RNFT1: variants seen among roughly 807,000 people sequenced by gnomAD.
RNFT1 encodes the protein E3 ubiquitin-protein ligase RNFT1.
RNFT1 carries 35 observed loss-of-function variants against 53.2 expected under a neutral mutation model. The observed-to-expected ratio is 0.66, with a 90% CI of 0.50 to 0.87. The LOEUF is 0.87. Ranked by LOEUF, RNFT1 falls within the 40% of genes least tolerant of loss-of-function variation. The pLI, the probability that RNFT1 is intolerant of heterozygous loss-of-function variation, is 0.00. For synonymous variants in RNFT1, 141 were observed against 172.8 expected, an observed-to-expected ratio of 0.82 and a Z score of 1.44; for missense variants, 421 against 515.0, an observed-to-expected ratio of 0.82 and a Z score of 1.77.
chr17:59,953,614 C>G (rs2045235620), intron 8 of RNFT1, among the ~76,000 whole-genome samples: 2 of 152,202 alleles, frequency 1.3e-5, no homozygotes, highest in Non-Finnish European at 2.9e-5. Context: ...CACTAGTGTT[C>G]TGGCTGTACC....
At chr17:59,958,603 G>T in intron 4 of RNFT1, 159 bp from the exon 5 acceptor site, 1 of 712,520 alleles carries the variant, frequency 1.4e-6, no homozygotes, top group Non-Finnish European at 2.5e-6. Flanking sequence ...GGATCATTTT[G>T]CTTAAAGAGA....
Position 59,958,312 on chromosome 17 carries a change from G to C in RNFT1, c.825C>G (p.Phe275Leu). The C allele has an allele frequency of 6.3e-7, 1 of 1,594,030 alleles. No homozygotes were observed. The highest frequency in any genetic ancestry group is 8.5e-7 in the Non-Finnish European group (1 of 1,175,656). The change falls in exon 5 of 9, where the codon TTC becomes TTG. Residue 275 changes from phenylalanine (F) to leucine (L), a missense_variant. By Grantham distance (22) the Phe-to-Leu change is conservative (BLOSUM62 0). Coordinates refer to ENST00000305783, the MANE Select transcript of RNFT1 (RefSeq NM_016125.4). ...TTACCTTAGATTTAAAAGGCATGATGAAAGAAGGCACCAATAAAATAAGGC... is the reference window on the plus strand; with the variant it reads ...TTACCTTAGATTTAAAAGGCATGATCAAAGAAGGCACCAATAAAATAAGGC... ...LKCLILLVPS[F>L]IMPFKSKGYW...
chr17:59,957,832 G>C (rs537220038), intron 5 of RNFT1, among the ~76,000 whole-genome samples: 1 of 152,148 alleles, frequency 6.6e-6, no homozygotes, highest in Admixed American at 6.5e-5. Flanking sequence ...GCAACAGAGC[G>C]AGAGACAATC....
At chr17:59,959,703 C>G (rs567410171) in intron 4 of RNFT1, 1 of 154,576 alleles carries the variant, frequency 6.5e-6, no homozygotes, top group South Asian at 2.0e-4. Flanking sequence ...AGGCAGATCA[C>G]GAGGTCAGGA....
chr17:59,956,437 T>G, intron 7 of RNFT1, 51 bp downstream of exon 7: 1 of 1,273,960 alleles, frequency 7.8e-7, no homozygotes, highest in East Asian at 2.3e-5. Flanking sequence ...AAAAAATTTT[T>G]GCAGTGAAGA....
chr17:59,962,564 G>A lies in RNFT1; in HGVS notation c.567C>T (p.Ser189=), dbSNP rs142631280. 203 of 1,605,870 alleles carry A rather than the reference G, an allele frequency of 1.3e-4. No homozygotes were observed. Among genetic ancestry groups the A allele is most frequent in the Middle Eastern group, 6.2e-4 (3 of 4,838 alleles). The part of the protein sequence containing the change: ...LLTTFMYANK[S]IVNQVFLRER... ...CTCTTAGAAAAACCTGATTTACAAT[G>A]CTTTTGTTTGCATACATAAAAGTTG... The change falls in exon 3 of 9, where the codon AGC becomes AGT. Residue 189 remains serine (S), a synonymous_variant. Coordinates refer to ENST00000305783, the MANE Select transcript of RNFT1 (RefSeq NM_016125.4).
intron 8 of RNFT1, 132 bp downstream of exon 8, chr17:59,953,913 A>G (rs1305259688): frequency 2.4e-5 from 14 of 587,408 alleles, no homozygotes; most frequent in East Asian, 1.5e-4. Context: ...ATCCACTAGT[A>G]TGTACCCTGA....
chr17:59,959,980 A>G (rs774034121), intron 4 of RNFT1, 88 bp downstream of exon 4: 20 of 1,341,018 alleles, frequency 1.5e-5, no homozygotes, highest in Non-Finnish European at 1.9e-5. Flanking sequence ...AACTGAATAC[A>G]ATAAGTACTA....
Position 59,962,969 on chromosome 17 carries a change from C to T in RNFT1, c.372G>A (p.Arg124=). The change falls in exon 2 of 9, where the codon AGG becomes AGA. Residue 124 remains arginine, a synonymous_variant. Coordinates refer to ENST00000305783, the MANE Select transcript of RNFT1 (RefSeq NM_016125.4). ...ATTCTGCGGCAGTATCATCAGTCAG[C>T]CTTGCTTCACTGTGGGAGTGACCCC... ...RLRGHSHSEA[R]LTDDTAAESG... is the part of the protein sequence containing the mutation. The T allele has an allele frequency of 6.2e-7, 1 of 1,614,258 alleles. No individual in the cohort carries two copies. The highest frequency in any genetic ancestry group is 1.1e-5 in the South Asian group (1 of 91,084).
chr17:59,957,530 A>C, intron 5 of RNFT1, 148 bp from the exon 6 acceptor site: 1 of 609,360 alleles, frequency 1.6e-6, no homozygotes, highest in South Asian at 3.2e-5. Context: ...CTGAACCTCA[A>C]GCTGGTTCTC....
chr17:59,964,716 C>A lies in RNFT1; in HGVS notation c.-53G>T, dbSNP rs921313478. The A allele has an allele frequency of 5.2e-6, 8 of 1,534,746 alleles. No individual in the cohort carries two copies. The highest frequency in any genetic ancestry group is 7.0e-6 in the Non-Finnish European group (8 of 1,137,832). ...CCATCAACCGCAAACCCCGCAAGCT[C>A]TTCTCTCAGCCCGGCGGCAACGGCG... On this transcript the variant is annotated 5_prime_UTR_variant, in exon 1 of 9. Transcript: ENST00000305783.
chr17:59,962,443 ATTTC>A, intron 3 of RNFT1, 93 bp downstream of exon 3: 1 of 804,142 alleles, frequency 1.2e-6, no homozygotes, highest in Non-Finnish European at 2.0e-6. Context: ...ATTACTTCCT[ATTTC>A]TTTCAAGTTA....
chr17:59,961,252 C>T (rs924804976), intron 3 of RNFT1, among the ~76,000 whole-genome samples: 26 of 151,526 alleles, frequency 1.7e-4, no homozygotes, highest in African/African-American at 5.1e-4. Context: ...TGCCCAGGCT[C>T]GTCTTCAATT....
chr17:59,953,048 T>A lies in RNFT1; in HGVS notation c.1237A>T (p.Arg413Ter). ...FNREKTCPLC[R>*]TVISDHINKW... ...TTTATATGGTCTGAAATCACAGTTC[T>A]GCAGAGTGGACATGTTTTCTCTCTG... The change falls in exon 9 of 9, where the codon AGA (arginine) becomes TGA (stop). Residue 413 changes from arginine to a stop codon, truncating the protein, a stop_gained. Transcript: ENST00000305783. LOFTEE classifies it high-confidence loss of function. 1 of 1,612,994 alleles carries A rather than the reference T, an allele frequency of 6.2e-7. No homozygotes were observed. Among genetic ancestry groups the A allele is most frequent in the African/African-American group, 1.3e-5 (1 of 75,038 alleles).
Position 59,963,260 on chromosome 17 carries a change from T to C in RNFT1, c.81A>G (p.Thr27=). 4 of 1,609,488 alleles carry C rather than the reference T, an allele frequency of 2.5e-6. No homozygotes were observed. Among genetic ancestry groups the C allele is most frequent in the Non-Finnish European group, 3.4e-6 (4 of 1,177,482 alleles). The change falls in exon 2 of 9, where the codon ACA becomes ACG. Residue 27 remains threonine (T), a synonymous_variant. Transcript: ENST00000305783. The part of the protein sequence containing the change: ...HERRQRPEAK[T]SGSEKKYLRA... ...TTAAATACTTTTTCTCTGACCCAGA[T>C]GTCTTTGCTTCAGGCCTCTGTCTCC...
chr17:59,962,655 A>G (rs550360590), intron 2 of RNFT1, 39 bp from the exon 3 acceptor site: 2 of 1,484,146 alleles, frequency 1.3e-6, no homozygotes, highest in South Asian at 2.4e-5. Flanking sequence ...AAAGAAAAAA[A>G]AATCAAAGAG....
chr17:59,956,622 C>T, intron 6 of RNFT1, 69 bp from the exon 7 acceptor site: 1 of 1,123,094 alleles, frequency 8.9e-7, no homozygotes, highest in Non-Finnish European at 1.3e-6. Context: ...AAAACCAAAG[C>T]TGAAATCCCA....
chr17:59,962,565 C>T lies in RNFT1; in HGVS notation c.566G>A (p.Ser189Asn), dbSNP rs755360113. Residue 189 changes from serine (S) to asparagine (N), a missense_variant, in exon 3 of 9, where the codon AGC becomes AAC. By Grantham distance (46) the Ser-to-Asn change is conservative. Coordinates refer to ENST00000305783, the MANE Select transcript of RNFT1 (RefSeq NM_016125.4). ...TCTTAGAAAAACCTGATTTACAATG[C>T]TTTTGTTTGCATACATAAAAGTTGT... is the stretch of plus-strand genomic sequence containing the variant. Reference protein sequence around the residue: ...LLTTFMYANKSIVNQVFLRER... With the variant: ...LLTTFMYANKNIVNQVFLRER... 1 of 1,605,964 alleles carries T rather than the reference C, an allele frequency of 6.2e-7. No homozygotes were observed. Among genetic ancestry groups the T allele is most frequent in the African/African-American group, 1.3e-5 (1 of 74,570 alleles).
intron 4 of RNFT1, chr17:59,959,432 G>A (rs1408422544): frequency 6.6e-6 from 1 of 151,992 alleles, no homozygotes; most frequent in Non-Finnish European, 1.5e-5. Flanking sequence ...CATTTGACAT[G>A]GAGACTTATC....
Sources: gnomAD v4.1 joint callset for allele counts (sites outside exome capture counted in the v4.1 genomes callset) on GRCh38, gnomAD v4.1.1 for gene constraint, MANE v1.5 for transcripts, NCBI Gene and HGNC (gene_info 2026-07-23, HGNC 2026-07-21) for gene names.